The following AKIRIN1 variants were observed in gnomAD, a reference collection of about 807,000 sequenced individuals.
AKIRIN1 encodes the protein akirin-1.
In AKIRIN1, 4 loss-of-function variants were observed where a neutral mutation model predicts 25.9. The ratio of observed to expected loss-of-function variants is 0.15; its 90% CI spans 0.08 to 0.35. The LOEUF (loss-of-function observed/expected upper bound fraction) is 0.35, where lower values mean the gene tolerates loss of function less well. Among genes scored for constraint, AKIRIN1 ranks in the 10% least tolerant of loss-of-function variants. The pLI, the probability that AKIRIN1 is intolerant of heterozygous loss-of-function variation, is 1.00. For missense variants in AKIRIN1, 243 were observed against 266.1 expected, an observed-to-expected ratio of 0.91 and a Z score of 0.61; for synonymous variants, 125 against 105.1, an observed-to-expected ratio of 1.19 and a Z score of -1.16.
chr1:39,004,937 GGGCTAGGCCTGGGC>G lies in AKIRIN1; in HGVS notation c.*883_*896del, dbSNP rs1453020780. ...CTTGGGAGCATGAGAGGTGAGCCCA[GGGCTAGGCCTGGGC>G]CAGGCCCCGGCAGCACTGCTACTTG... is the stretch of plus-strand genomic sequence containing the variant. On this transcript the variant is annotated 3_prime_UTR_variant, in exon 5 of 5. Coordinates refer to ENST00000432648, the MANE Select transcript of AKIRIN1 (RefSeq NM_024595.3). 3 of 152,364 alleles carry G rather than the reference GGGCTAGGCCTGGGC, an allele frequency of 2.0e-5. No individual in the cohort carries two copies. Among genetic ancestry groups the G allele is most frequent in the Non-Finnish European group, 4.4e-5 (3 of 68,134 alleles). 9.4% of individuals were successfully genotyped at this position (152,364 alleles called of 1,614,324 possible). A position where few individuals can be genotyped will look rare whatever the true frequency, so the allele number is the denominator to read the frequency against.
At position 39,004,581 on chromosome 1, in the gene AKIRIN1, A is replaced by AAATAGTATGCTC; in HGVS notation, c.*526_*527insAATAGTATGCTC. On this transcript the variant is annotated 3_prime_UTR_variant, in exon 5 of 5. Coordinates refer to ENST00000432648, the MANE Select transcript of AKIRIN1 (RefSeq NM_024595.3). ...CAAGTTGTAACAGTGGATTGTTTTTATGTGTAGGTATTGTTAAATACAGGG... is the reference window on the plus strand; with the variant it reads ...CAAGTTGTAACAGTGGATTGTTTTTAAATAGTATGCTCTGTGTAGGTATTGTTAAATACAGGG... 1 of 208,014 alleles carries AAATAGTATGCTC rather than the reference A, an allele frequency of 4.8e-6. No homozygotes were observed. Among genetic ancestry groups the AAATAGTATGCTC allele is most frequent in the Non-Finnish European group, 9.8e-6 (1 of 101,938 alleles). The allele number at this position is 208,014 out of a possible 1,614,324, so 12.9% of individuals were successfully genotyped here.
At position 39,002,547 on chromosome 1, in the gene AKIRIN1, G is replaced by A. The variant is rs1644001869; in HGVS notation, c.497-800G>A. Among the ~76,000 whole-genome samples the A allele has an allele frequency of 2.6e-5, 4 of 152,236 alleles. No individual in the cohort carries two copies. The South Asian group carries it at 8.3e-4, about 32-fold the overall frequency. On this transcript the variant is annotated intron_variant, in intron 3 of 4. Transcript: ENST00000432648. ...AGATCGAGACCATGCTGGCTAACAC[G>A]GTGAAACCCCGTCTCTACTAAAAAT...
At chr1:38,997,754 G>GTTGTGAAA (rs1305295821) in intron 1 of AKIRIN1, among the ~76,000 whole-genome samples, 1 of 152,068 alleles carries the variant, frequency 6.6e-6, no homozygotes, top group Non-Finnish European at 1.5e-5. Context: ...AATACCCTAG[G>GTTGTGAAA]TTGTGAAATT....
chr1:39,000,631 TG>T (rs767085165), intron 2 of AKIRIN1, among the ~76,000 whole-genome samples: 31 of 151,812 alleles, frequency 2.0e-4, no homozygotes, highest in Non-Finnish European at 3.2e-4. Flanking sequence ...ATTACAGGCA[TG>T]GCCACTGCGC....
In AKIRIN1 at chr1:39,004,139, T is replaced by C; in HGVS notation, c.*84T>C. On this transcript the variant is annotated 3_prime_UTR_variant, in exon 5 of 5. Coordinates refer to ENST00000432648, the MANE Select transcript of AKIRIN1 (RefSeq NM_024595.3). ...TTTGCAACTGGTTTGATGTCACATTTCAGCTCCAACTTTGCATCCTGAGAA... is the reference window on the plus strand; with the variant it reads ...TTTGCAACTGGTTTGATGTCACATTCCAGCTCCAACTTTGCATCCTGAGAA... 1 of 1,443,788 alleles carries C rather than the reference T, an allele frequency of 6.9e-7. No individual in the cohort carries two copies. Among genetic ancestry groups the C allele is most frequent in the Non-Finnish European group, 9.8e-7 (1 of 1,025,174 alleles). The allele number at this position is 1,443,788 out of a possible 1,614,324, so 89.4% of individuals were successfully genotyped here.
chr1:38,996,689 C>G (rs1306832055), intron 1 of AKIRIN1, among the ~76,000 whole-genome samples: 1 of 152,242 alleles, frequency 6.6e-6, no homozygotes, highest in East Asian at 1.9e-4. Context: ...GCCACCACGC[C>G]TGGCTAAATT....
Position 39,000,987 on chromosome 1 carries a change from A to G in AKIRIN1, c.377A>G (p.Lys126Arg), listed in dbSNP as rs1164304228. The G allele has an allele frequency of 6.2e-7, 1 of 1,612,360 alleles. No individual in the cohort carries two copies. The highest frequency in any genetic ancestry group is 1.1e-5 in the South Asian group (1 of 90,886). The change falls in exon 3 of 5, where the codon AAG becomes AGG. Residue 126 changes from lysine to arginine, a missense_variant. By Grantham distance (26) the Lys-to-Arg change is conservative. This residue lies in a region of AKIRIN1 where 190 missense variants were observed against 174.4 expected (regional missense o/e 1.09). Transcript: ENST00000432648. ...APSSPGSSWM[K>R]KDQPTFTLRQ... Reference sequence around the variant, plus strand: ...TTTTGGCCAGGTTCCTCATGGATGAAGAAGGACCAGCCCACATTTACCCTC... The same window carrying G: ...TTTTGGCCAGGTTCCTCATGGATGAGGAAGGACCAGCCCACATTTACCCTC...
At chr1:39,001,357 AGGTTCTAAC>A (rs1643990626) in intron 3 of AKIRIN1, among the ~76,000 whole-genome samples, 1 of 141,498 alleles carries the variant, frequency 7.1e-6, no homozygotes, top group Non-Finnish European at 1.5e-5. Flanking sequence ...TCCGCCTGCC[AGGTTCTAAC>A]GATTCTCCTG....
chr1:38,999,394 AGTG>A (rs1416568116), intron 2 of AKIRIN1, among the ~76,000 whole-genome samples: 1 of 152,198 alleles, frequency 6.6e-6, no homozygotes, highest in African/African-American at 2.4e-5. Context: ...TGGAACTAGA[AGTG>A]GTGGTAGTAG....
rs751292857 is a variant in AKIRIN1 at position 39,004,025 on chromosome 1, T to C, written c.569-20T>C. ...TTTTTAGTATTCTTACCCTTTTTGT[T>C]TTTTATTCTTAATTTACAGATGTGT... On this transcript the variant is annotated intron_variant, in intron 4 of 4. Transcript: ENST00000432648. 5.6e-6 allele frequency: 9 copies of C among 1,605,312 alleles called. No individual in the cohort carries two copies. The East Asian group carries it at 1.6e-4, about 28-fold the overall frequency.
chr1:38,991,389 C>T lies in AKIRIN1; in HGVS notation c.9C>T (p.Cys3=). Residue 3 remains cysteine, a synonymous_variant, in exon 1 of 5, where the codon TGC becomes TGT. Transcript: ENST00000432648. MA[C]GATLKRPMEF... ...CCTGGCCCCTCAGCGGCATGGCGTG[C>T]GGGGCGACGCTGAAGCGGCCCATGG... The T allele has an allele frequency of 7.5e-7, 1 of 1,336,368 alleles. No individual in the cohort carries two copies. The highest frequency in any genetic ancestry group is 9.6e-7 in the Non-Finnish European group (1 of 1,046,688). The allele number at this position is 1,336,368 out of a possible 1,614,324, so 82.8% of individuals were successfully genotyped here. A position where few individuals can be genotyped will look rare whatever the true frequency, so the allele number is the denominator to read the frequency against.
intron 2 of AKIRIN1, 37 bp from the exon 3 acceptor site, chr1:39,000,935 C>A: frequency 6.3e-7 from 1 of 1,590,090 alleles, no homozygotes; most frequent in Non-Finnish European, 8.6e-7. Flanking sequence ...GTGTGAACCA[C>A]CGCACCTGGC....
At chr1:38,995,585 T>C (rs1215148882) in intron 1 of AKIRIN1, among the ~76,000 whole-genome samples, 1 of 152,230 alleles carries the variant, frequency 6.6e-6, no homozygotes, top group Non-Finnish European at 1.5e-5. Flanking sequence ...CCCTCAAAAT[T>C]GTATCTTTCC....
At chr1:38,998,947 A>G (rs1465533217) in intron 2 of AKIRIN1, among the ~76,000 whole-genome samples, 1 of 152,216 alleles carries the variant, frequency 6.6e-6, no homozygotes, top group Non-Finnish European at 1.5e-5. Context: ...CATTAGCCAC[A>G]TATGGCTGTT....
At position 39,001,014 on chromosome 1, in the gene AKIRIN1, G is replaced by A. The variant is rs370247525; in HGVS notation, c.404G>A (p.Arg135Gln). The A allele has an allele frequency of 6.2e-6, 10 of 1,613,574 alleles. No individual in the cohort carries two copies. Among genetic ancestry groups the A allele is most frequent in the African/African-American group, 5.3e-5 (4 of 74,858 alleles). Residue 135 changes from arginine (R) to glutamine (Q), a missense_variant, in exon 3 of 5, where the codon CGA becomes CAA. Physicochemically the swap from Arg to Gln is conservative, Grantham distance 43 (BLOSUM62 1). This residue lies in a region of AKIRIN1 where 190 missense variants were observed against 174.4 expected (regional missense o/e 1.09). Coordinates refer to ENST00000432648, the MANE Select transcript of AKIRIN1 (RefSeq NM_024595.3). ...MKKDQPTFTL[R>Q]QVGIICERLL... is the part of the protein sequence containing the mutation. ...AAGGACCAGCCCACATTTACCCTCC[G>A]ACAAGTTGGCATAATATGTGAGCGC... is the stretch of plus-strand genomic sequence containing the variant.
rs765190876 is a variant in AKIRIN1, at chr1:39,003,337, C to T, written c.497-10C>T. 5.6e-6 allele frequency: 9 copies of T among 1,612,620 alleles called. No individual in the cohort carries two copies. In the Admixed American group the frequency reaches 1.5e-4, roughly 27 times the overall value. On this transcript the variant is annotated splice_polypyrimidine_tract_variant and intron_variant, in intron 3 of 4. Coordinates refer to ENST00000432648, the MANE Select transcript of AKIRIN1 (RefSeq NM_024595.3). ...GTTGCTGAGGATAAGTATGTACTGT[C>T]TTCTCACAGAACAATATGAATCTTT...
Position 39,005,061 on chromosome 1 carries a change from T to A in AKIRIN1, c.*1006T>A, listed in dbSNP as rs2148071362. 1 of 152,450 alleles carries A rather than the reference T, an allele frequency of 6.6e-6. No individual in the cohort carries two copies. The highest frequency in any genetic ancestry group is 2.4e-5 in the African/African-American group (1 of 41,582). 9.4% of individuals were successfully genotyped at this position (152,450 alleles called of 1,614,324 possible). ...TGGCTCACGCCTGTAATCCCAGCAC[T>A]TTGGGAGTCCGAGGCATGCGGATCA... On this transcript the variant is annotated 3_prime_UTR_variant, in exon 5 of 5. Transcript: ENST00000432648.
intron 1 of AKIRIN1, among the ~76,000 whole-genome samples, chr1:38,992,624 G>C (rs1431519612): frequency 6.6e-6 from 1 of 152,028 alleles, no homozygotes; most frequent in South Asian, 2.1e-4. Context: ...CTCACACCAA[G>C]ATTCCTACAC....
intron 1 of AKIRIN1, among the ~76,000 whole-genome samples, chr1:38,994,689 T>A (rs1392956699): frequency 6.5e-4 from 81 of 124,532 alleles, no homozygotes; most frequent in Non-Finnish European, 1.1e-3. Context: ...TTTTTTTTTT[T>A]TTTTTTTTTT....
Sources: allele counts gnomAD v4.1 joint callset (sites outside exome capture counted in the v4.1 genomes callset), GRCh38; gene constraint gnomAD v4.1.1; regional missense constraint gnomAD v4.1.1; transcripts MANE v1.5; gene names NCBI Gene and HGNC (gene_info 2026-07-23, HGNC 2026-07-21).